Variants in PSD4 observed in about 807,000 individuals in gnomAD.
PSD4 encodes the protein PH and SEC7 domain-containing protein 4.
PSD4 carries 59 observed loss-of-function variants against 112.5 expected under a neutral mutation model. That is an observed-to-expected ratio of 0.52 (90% CI 0.43 to 0.65). The LOEUF (loss-of-function observed/expected upper bound fraction) is 0.65, where lower values mean the gene tolerates loss of function less well. PSD4 is among the 30% of genes least tolerant of loss of function. The pLI, the probability that PSD4 is intolerant of heterozygous loss-of-function variation, is 0.00. For missense variants in PSD4, 1,267 were observed against 1,352.6 expected (o/e 0.94, Z 0.99); for synonymous variants, 533 against 540.0 (o/e 0.99, Z 0.18).
In PSD4 at chr2:113,193,901, C is replaced by G; in HGVS notation, c.2134C>G (p.Leu712Val). The change falls in exon 10 of 17, where the codon CTG (leucine) becomes GTG (valine). Residue 712 changes from leucine to valine, a missense_variant. This residue lies in a region of PSD4 where 544 missense variants were observed against 648.6 expected (regional missense o/e 0.84). Transcript: ENST00000245796. ...GAGCTGCCAGGAATTCATAACCAAC[C>G]TGAATGGGCTGAGGGATGGCGGGAA... ...SMSCQEFITN[L>V]NGLRDGGNFP... 1 of 1,614,114 alleles carries G rather than the reference C, an allele frequency of 6.2e-7. No individual in the cohort carries two copies. Among genetic ancestry groups the G allele is most frequent in the Admixed American group, 1.7e-5 (1 of 60,026 alleles).
chr2:113,183,070 C>T lies in PSD4; in HGVS notation c.614C>T (p.Pro205Leu), dbSNP rs758123424. 6.8e-6 allele frequency: 11 copies of T among 1,612,690 alleles called. No individual in the cohort carries two copies. The highest frequency in any genetic ancestry group is 9.3e-6 in the Non-Finnish European group (11 of 1,179,138). Reference protein sequence around the residue: ...LPGDTGLHSSPPENEDSGEDS... With the variant: ...LPGDTGLHSSLPENEDSGEDS... ...GGGGACACGGGCCTGCACTCCAGCCCACCTGAGAATGAAGACTCAGGGGAA... is the reference window on the plus strand; with the variant it reads ...GGGGACACGGGCCTGCACTCCAGCCTACCTGAGAATGAAGACTCAGGGGAA... Residue 205 changes from proline (P) to leucine (L), a missense_variant, in exon 2 of 17, where the codon CCA (proline) becomes CTA (leucine). Physicochemically the swap from Pro to Leu is moderately conservative, Grantham distance 98. Around this residue, in one of 2 missense-constraint regions of PSD4, gnomAD observed 723 missense variants for 704.0 expected, o/e 1.03. Coordinates refer to ENST00000245796, the MANE Select transcript of PSD4 (RefSeq NM_012455.3).
rs1327302392 is a variant in PSD4 at position 113,196,283 on chromosome 2, C to T, written c.2362C>T (p.His788Tyr). The T allele has an allele frequency of 6.2e-7, 1 of 1,613,620 alleles. No individual in the cohort carries two copies. Among genetic ancestry groups the T allele is most frequent in the Non-Finnish European group, 8.5e-7 (1 of 1,179,610 alleles). The change falls in exon 12 of 17, where the codon CAT becomes TAT. Residue 788 changes from histidine to tyrosine, a missense_variant. Physicochemically the swap from His to Tyr is moderately conservative, Grantham distance 83. Around this residue, in one of 2 missense-constraint regions of PSD4, gnomAD observed 544 missense variants for 648.6 expected, o/e 0.84. Coordinates refer to ENST00000245796, the MANE Select transcript of PSD4 (RefSeq NM_012455.3). ...GCAGGGCATCCTGGCTCGGAAAATG[C>T]ATCAAGATGCAGACGGCAAGAAGAG... Reference protein sequence around the residue: ...YKQGILARKMHQDADGKKTPW... With the variant: ...YKQGILARKMYQDADGKKTPW...
chr2:113,180,234 A>G (rs1185586760), intron 1 of PSD4, among the ~76,000 whole-genome samples: 1 of 152,174 alleles, frequency 6.6e-6, no homozygotes, highest in Non-Finnish European at 1.5e-5. Context: ...GGCCGCGCGA[A>G]TCACCTCCGT....
At chr2:113,180,265 A>G (rs1558885534) in intron 1 of PSD4, among the ~76,000 whole-genome samples, 1 of 152,204 alleles carries the variant, frequency 6.6e-6, no homozygotes, top group Admixed American at 6.5e-5. Flanking sequence ...TCCCCACTGC[A>G]GTGGGGCTCC....
intron 2 of PSD4, among the ~76,000 whole-genome samples, chr2:113,184,574 T>C (rs545412914): frequency 5.3e-5 from 8 of 152,176 alleles, no homozygotes; most frequent in African/African-American, 1.9e-4. Flanking sequence ...GGTTTCACCA[T>C]GTTGGCCAGG....
chr2:113,195,783 C>A lies in PSD4; in HGVS notation c.2225+13C>A. 1.2e-6 allele frequency: 2 copies of A among 1,614,144 alleles called. No homozygotes were observed. The highest frequency in any genetic ancestry group is 1.7e-6 in the Non-Finnish European group (2 of 1,180,022). On this transcript the variant is annotated intron_variant, in intron 11 of 16. Coordinates refer to ENST00000245796, the MANE Select transcript of PSD4 (RefSeq NM_012455.3). ...TCGAGTGGGCCGTGTGAGTGAGACT[C>A]CCTTTCCCCTCTCCCTCTCACCCCT...
chr2:113,192,907 A>G, intron 6 of PSD4, 141 bp from the exon 7 acceptor site: 1 of 801,948 alleles, frequency 1.2e-6, no homozygotes. Flanking sequence ...TTGCTCTGTC[A>G]GGACCCAAGG....
intron 1 of PSD4, among the ~76,000 whole-genome samples, chr2:113,178,463 G>GT: frequency 6.7e-6 from 1 of 150,026 alleles, no homozygotes. Context: ...AGGAACGCTG[G>GT]TTTTTTTCTG....
chr2:113,185,643 C>A (rs1396505493), intron 4 of PSD4: 2 of 1,547,622 alleles, frequency 1.3e-6, no homozygotes, highest in Admixed American at 2.0e-5. Context: ...TTTCTTACCG[C>A]TGGGTCTTAA....
Position 113,192,481 on chromosome 2 carries a change from A to AG in PSD4, c.1731dup (p.Leu578AlafsTer3). 1 of 1,614,232 alleles carries AG rather than the reference A, an allele frequency of 6.2e-7. No individual in the cohort carries two copies. The highest frequency in any genetic ancestry group is 2.2e-5 in the East Asian group (1 of 44,876). On this transcript the variant is annotated frameshift_variant, in exon 6 of 17. Transcript: ENST00000245796. LOFTEE classifies it high-confidence loss of function. ...GGCCAGAGACCACCAGCTGGAGACA[A>AG]GCTAGCTAATGGCGTCAGGAACAAC... is the stretch of plus-strand genomic sequence containing the variant.
At chr2:113,190,870 T>C (rs1688425107) in intron 5 of PSD4, among the ~76,000 whole-genome samples, 1 of 152,274 alleles carries the variant, frequency 6.6e-6, no homozygotes, top group Non-Finnish European at 1.5e-5. Context: ...GCATTGTGTT[T>C]ACTATAAGAT....
chr2:113,188,205 A>G (rs1392099670), intron 5 of PSD4, among the ~76,000 whole-genome samples: 1 of 152,090 alleles, frequency 6.6e-6, no homozygotes, highest in Non-Finnish European at 1.5e-5. Context: ...GAAAAAAAAA[A>G]GTATGCAAAT....
Position 113,183,266 on chromosome 2 carries a change from T to A in PSD4, c.810T>A (p.Ala270=). 5.0e-6 allele frequency: 8 copies of A among 1,614,090 alleles called. No homozygotes were observed. Among genetic ancestry groups the A allele is most frequent in the Non-Finnish European group, 6.8e-6 (8 of 1,179,958 alleles). The change falls in exon 2 of 17, where the codon GCT becomes GCA. Residue 270 remains alanine, a synonymous_variant. Coordinates refer to ENST00000245796, the MANE Select transcript of PSD4 (RefSeq NM_012455.3). ...CTGGAGAGTGCTTTTCCTGGGGGGC[T>A]TCAGACTCCCATGCAGGTGTGAGGA... The part of the protein sequence containing the change: ...SASGECFSWG[A]SDSHAGVRTG...
Position 113,182,525 on chromosome 2 carries a change from C to T in PSD4, c.69C>T (p.Asp23=), listed in dbSNP as rs749835935. 4.3e-6 allele frequency: 7 copies of T among 1,614,058 alleles called. No individual in the cohort carries two copies. The East Asian group carries it at 1.3e-4, about 31-fold the overall frequency. ...AAATTCTCAACCTGTACTTGGGAGACAGCCTGGAGCCCCACCCAGGAGAGT... is the reference window on the plus strand; with the variant it reads ...AAATTCTCAACCTGTACTTGGGAGATAGCCTGGAGCCCCACCCAGGAGAGT... The part of the protein sequence containing the change: ...PMEILNLYLG[D]SLEPHPGECP... Residue 23 remains aspartate (D), a synonymous_variant, in exon 2 of 17, where the codon GAC becomes GAT. Transcript: ENST00000245796.
At chr2:113,184,588 G>T (rs1464670351) in intron 2 of PSD4, among the ~76,000 whole-genome samples, 1 of 152,088 alleles carries the variant, frequency 6.6e-6, no homozygotes, top group Non-Finnish European at 1.5e-5. Flanking sequence ...GGCCAGGCTG[G>T]TCTTGAACTC....
chr2:113,193,354 G>A lies in PSD4; in HGVS notation c.2016G>A (p.Gly672=), dbSNP rs267598845. 4 of 1,605,234 alleles carry A rather than the reference G, an allele frequency of 2.5e-6. No individual in the cohort carries two copies. The highest frequency in any genetic ancestry group is 3.5e-5 in the Admixed American group (2 of 56,554). The change falls in exon 8 of 17, where the codon GGG becomes GGA. Residue 672 remains glycine, a synonymous_variant. Transcript: ENST00000245796. ...GACGCTTCCACCATTGCAATCCGGGGATCTTCCCCTCAGTAGGTAGGGAGG... is the reference window on the plus strand; with the variant it reads ...GACGCTTCCACCATTGCAATCCGGGAATCTTCCCCTCAGTAGGTAGGGAGG... ...FSRRFHHCNP[G]IFPSVDSVHT...
At chr2:113,180,487 G>A (rs1688099036) in intron 1 of PSD4, among the ~76,000 whole-genome samples, 1 of 152,136 alleles carries the variant, frequency 6.6e-6, no homozygotes, top group East Asian at 2.0e-4. Context: ...GAGGATCTCA[G>A]TGTGAGGTCT....
In PSD4 at chr2:113,207,078, C is replaced by A. The variant is rs942099064; in HGVS notation, c.*5663C>A. On this transcript the variant is annotated 3_prime_UTR_variant, in exon 17 of 17. Transcript: ENST00000245796. Reference sequence around the variant, plus strand: ...AGATGGCCCCAGGAACTCTCAAGATCCATTTTCTTGGTGCAAATATAGCAG... The same window carrying A: ...AGATGGCCCCAGGAACTCTCAAGATACATTTTCTTGGTGCAAATATAGCAG... 2.6e-5 allele frequency: 4 copies of A among 152,168 alleles called. No homozygotes were observed. Among genetic ancestry groups the A allele is most frequent in the Admixed American group, 6.5e-5 (1 of 15,280 alleles). 9.4% of individuals were successfully genotyped at this position (152,168 alleles called of 1,614,324 possible).
intron 15 of PSD4, 55 bp downstream of exon 15, chr2:113,198,939 GC>G (rs1558658620): frequency 6.5e-7 from 1 of 1,537,330 alleles, no homozygotes; most frequent in Non-Finnish European, 8.7e-7. Flanking sequence ...TGCACCTGGA[GC>G]CCCAGGACTA....
Sources: gnomAD v4.1 joint callset for allele counts (sites outside exome capture counted in the v4.1 genomes callset) on GRCh38, gnomAD v4.1.1 for gene constraint, gnomAD v4.1.1 regional missense constraint, MANE v1.5 for transcripts, NCBI Gene and HGNC (gene_info 2026-07-23, HGNC 2026-07-21) for gene names.